AK8: variants seen among roughly 807,000 people sequenced by gnomAD.
The protein encoded by AK8 is ATP-AMP transphosphorylase 8.
A neutral mutation model predicts 54.6 loss-of-function variants in AK8; 44 were observed. The observed-to-expected ratio is 0.81, with a 90% CI of 0.63 to 1.04. The LOEUF (loss-of-function observed/expected upper bound fraction) is 1.04, where lower values mean the gene tolerates loss of function less well. Among genes scored for constraint, AK8 ranks in the 50% least tolerant of loss-of-function variants. The pLI is 0.00. For synonymous variants in AK8, 239 were observed against 245.6 expected, an observed-to-expected ratio of 0.97 and a Z score of 0.25; for missense variants, 555 against 613.6, an observed-to-expected ratio of 0.90 and a Z score of 1.01.
intron 5 of AK8, among the ~76,000 whole-genome samples, 163 bp downstream of exon 5, chr9:132,854,694 C>T (rs911918955): frequency 6.6e-6 from 1 of 152,200 alleles, no homozygotes; most frequent in African/African-American, 2.4e-5. Context: ...TTTCCTTTGA[C>T]AAAAGCAAAA....
At chr9:132,759,086 T>C (rs770626205) in intron 11 of AK8, among the ~76,000 whole-genome samples, 13 of 151,274 alleles carry the variant, frequency 8.6e-5, no homozygotes, top group African/African-American at 1.5e-4. Flanking sequence ...GTCCCAGCTA[T>C]TACGGAGGCC....
At chr9:132,855,150 A>G (rs1843128282) in intron 4 of AK8, among the ~76,000 whole-genome samples, 1 of 151,976 alleles carries the variant, frequency 6.6e-6, no homozygotes, top group South Asian at 2.1e-4. Flanking sequence ...CCTGTGCCCA[A>G]GCCCCAACAT....
chr9:132,758,241 G>C (rs543623245), intron 11 of AK8, among the ~76,000 whole-genome samples: 1 of 152,134 alleles, frequency 6.6e-6, no homozygotes, highest in African/African-American at 2.4e-5. Flanking sequence ...ACGAATACGC[G>C]GAGCCACACA....
At chr9:132,746,064 G>T (rs1159480794) in intron 11 of AK8, among the ~76,000 whole-genome samples, 1 of 152,146 alleles carries the variant, frequency 6.6e-6, no homozygotes, top group East Asian at 1.9e-4. Context: ...AGTTTAGGGA[G>T]ACGCTGCCTT....
chr9:132,727,586 G>A, intron 11 of AK8, 52 bp from the exon 12 acceptor site: 1 of 1,544,948 alleles, frequency 6.5e-7, no homozygotes, highest in Non-Finnish European at 8.9e-7. Flanking sequence ...TGTATTTTAT[G>A]ATGCTGTGAC....
intron 9 of AK8, among the ~76,000 whole-genome samples, chr9:132,817,957 A>T (rs946114194): frequency 6.6e-6 from 1 of 152,232 alleles, no homozygotes; most frequent in Non-Finnish European, 1.5e-5. Context: ...AAATATTAAC[A>T]GCAGCTGAGG....
At chr9:132,762,990 A>G (rs1286681107) in intron 11 of AK8, among the ~76,000 whole-genome samples, 3 of 152,228 alleles carry the variant, frequency 2.0e-5, no homozygotes, top group Non-Finnish European at 4.4e-5. Flanking sequence ...GCGAAAAGGT[A>G]GAAAAGAGGA....
At chr9:132,764,249 G>T (rs1838619729) in intron 11 of AK8, among the ~76,000 whole-genome samples, 1 of 152,170 alleles carries the variant, frequency 6.6e-6, no homozygotes, top group Non-Finnish European at 1.5e-5. Context: ...GGTAGACGTT[G>T]CAGTGAGCTG....
chr9:132,876,649 C>G (rs1022549080), intron 1 of AK8, among the ~76,000 whole-genome samples: 3 of 152,118 alleles, frequency 2.0e-5, no homozygotes, highest in African/African-American at 7.2e-5. Context: ...GATGTTATCA[C>G]GGGGGCAATG....
At chr9:132,865,123 T>C (rs1440858676) in intron 3 of AK8, among the ~76,000 whole-genome samples, 1 of 152,088 alleles carries the variant, frequency 6.6e-6, no homozygotes, top group Non-Finnish European at 1.5e-5. Flanking sequence ...GGTCTGGGAG[T>C]CCCTGGCTTC....
chr9:132,836,430 T>C (rs1842325939), intron 5 of AK8, among the ~76,000 whole-genome samples: 1 of 152,230 alleles, frequency 6.6e-6, no homozygotes, highest in African/African-American at 2.4e-5. Flanking sequence ...CACTTAAGTT[T>C]GTAGAACTTA....
chr9:132,766,021 A>G (rs1299406153), intron 11 of AK8, among the ~76,000 whole-genome samples: 2 of 152,378 alleles, frequency 1.3e-5, no homozygotes, highest in Non-Finnish European at 2.9e-5. Flanking sequence ...CATACAAAAA[A>G]TTAGTAGCAT....
chr9:132,844,315 A>C (rs1052832056), intron 5 of AK8, among the ~76,000 whole-genome samples: 2 of 150,840 alleles, frequency 1.3e-5, no homozygotes, highest in Non-Finnish European at 3.0e-5. Flanking sequence ...AAAAAAAAAA[A>C]AGAAAAAAGA....
chr9:132,840,447 C>CA (rs1491164139), intron 5 of AK8, among the ~76,000 whole-genome samples: 1 of 141,950 alleles, frequency 7.0e-6, no homozygotes, highest in African/African-American at 2.6e-5. Flanking sequence ...CACACACACA[C>CA]AAGGCAAGTG....
rs1227829837 is a variant in AK8, at chr9:132,791,170, C to T, written c.1121+1464G>A. On this transcript the variant is annotated intron_variant, in intron 11 of 12. Coordinates refer to ENST00000298545, the MANE Select transcript of AK8 (RefSeq NM_152572.3). This position sits in a 1 kb window ranked among gnomAD's most constrained non-coding sequence, Gnocchi z 4.0. Reference sequence around the variant, plus strand: ...GGCTGGGGAGGCCTCAGGAAACTTACAGTCATGGCAAAAGGTAAAGGGGAA... The same window carrying T: ...GGCTGGGGAGGCCTCAGGAAACTTATAGTCATGGCAAAAGGTAAAGGGGAA... 6.6e-6 allele frequency among the ~76,000 whole-genome samples: 1 copy of T among 152,116 alleles called. No individual in the cohort carries two copies. The highest frequency in any genetic ancestry group is 6.5e-5 in the Admixed American group (1 of 15,274).
intron 1 of AK8, among the ~76,000 whole-genome samples, chr9:132,875,643 G>A (rs911359355): frequency 5.3e-5 from 8 of 152,196 alleles, no homozygotes; most frequent in African/African-American, 1.9e-4. Flanking sequence ...ACCTTCCTGA[G>A]TATGTGCACT....
At chr9:132,783,451 C>T (rs1022217621) in intron 11 of AK8, among the ~76,000 whole-genome samples, 1 of 151,998 alleles carries the variant, frequency 6.6e-6, no homozygotes, top group African/African-American at 2.4e-5. Context: ...AACTAATATG[C>T]CAACTCACAC....
chr9:132,830,093 C>A (rs954267594), intron 5 of AK8, among the ~76,000 whole-genome samples: 1 of 152,170 alleles, frequency 6.6e-6, no homozygotes, highest in African/African-American at 2.4e-5. Flanking sequence ...GTAATCTGTT[C>A]TTTTCTAGCA....
At chr9:132,827,991 GT>G (rs1480466418) in intron 7 of AK8, 21 bp downstream of exon 7, 21 of 1,554,500 alleles carry the variant, frequency 1.4e-5, no homozygotes, top group Non-Finnish European at 1.7e-5. Context: ...ATGGGGCTGG[GT>G]GGGGGTGGCC....
Sources: allele counts gnomAD v4.1 joint callset (sites outside exome capture counted in the v4.1 genomes callset), GRCh38; gene constraint gnomAD v4.1.1; non-coding constraint Gnocchi (gnomAD v3.1); transcripts MANE v1.5; gene names NCBI Gene and HGNC (gene_info 2026-07-23, HGNC 2026-07-21).